MBTPS2: variants seen among roughly 807,000 people sequenced by gnomAD.
MBTPS2 encodes membrane-bound transcription factor site-2 protease.
Under a neutral mutation model 35.4 loss-of-function variants are expected in MBTPS2, and 2 were observed. The ratio of observed to expected loss-of-function variants is 0.06; its 90% CI spans 0.02 to 0.18. MBTPS2 has a LOEUF of 0.18. MBTPS2 is among the 10% of genes least tolerant of loss of function. The pLI, the probability that MBTPS2 is intolerant of heterozygous loss-of-function variation, is 1.00. For missense variants in MBTPS2, 244 were observed against 386.5 expected, an observed-to-expected ratio of 0.63 and a Z score of 3.09; for synonymous variants, 125 against 140.4, an observed-to-expected ratio of 0.89 and a Z score of 0.77.
At chrX:21,874,982 A>G (rs188274211) in intron 7 of MBTPS2, among the ~76,000 whole-genome samples, 68 of 112,776 alleles carry the variant, frequency 6.0e-4, no homozygotes, top group African/African-American at 2.1e-3. Context: ...GTTTAAGCCT[A>G]TAACTTTTTA....
At chrX:21,847,274 C>T (rs997037400) in intron 3 of MBTPS2, among the ~76,000 whole-genome samples, 27 of 111,872 alleles carry the variant, frequency 2.4e-4, no homozygotes, top group African/African-American at 5.8e-4. Context: ...TTAGGAGATC[C>T]GTGCTTTGGA....
At chrX:21,855,535 G>A (rs1004823064) in intron 5 of MBTPS2, among the ~76,000 whole-genome samples, 6 of 109,830 alleles carry the variant, frequency 5.5e-5, no homozygotes, top group South Asian at 4.0e-4. Context: ...AGGTTGAAGC[G>A]ATTCTCCTGC....
chrX:21,875,781 A>G (rs1316205555), intron 7 of MBTPS2, among the ~76,000 whole-genome samples: 1 of 112,150 alleles, frequency 8.9e-6, no homozygotes, highest in East Asian at 2.8e-4. Flanking sequence ...GACAGGCAAT[A>G]CTGGGAAATG....
intron 5 of MBTPS2, chrX:21,856,202 A>T (rs775810488): frequency 4.6e-4 from 147 of 317,158 alleles, no homozygotes; most frequent in African/African-American, 2.9e-3. Flanking sequence ...GGGCCGACAG[A>T]CGCGCCAGTT....
chrX:21,873,783 A>G (rs1182170142), intron 7 of MBTPS2, among the ~76,000 whole-genome samples: 1 of 110,721 alleles, frequency 9.0e-6, no homozygotes, highest in African/African-American at 3.3e-5. Flanking sequence ...AGTTTAAGAT[A>G]ATAAAAGGAA....
rs1277896342 is a variant in MBTPS2 at position 21,884,138 on chromosome X, C to A, written c.*1483C>A. The A allele has an allele frequency of 1.5e-5, 11 of 728,761 alleles. No homozygotes were observed. Among genetic ancestry groups the A allele is most frequent in the Non-Finnish European group, 1.8e-5 (11 of 615,959 alleles). The allele number at this position is 728,761 out of a possible 1,213,427, so 60.1% of individuals were successfully genotyped here. ...CTTTTTAGATTGTATTACAAATTTG[C>A]CTTAACAGTAATTAGATGTTGAATA... On this transcript the variant is annotated 3_prime_UTR_variant, in exon 11 of 11. Transcript: ENST00000379484.
chrX:21,858,604 A>G (rs921115746), intron 5 of MBTPS2: 1 of 123,004 alleles, frequency 8.1e-6, no homozygotes, highest in African/African-American at 3.3e-5. Flanking sequence ...TAAAATGCCA[A>G]TAGTGTCAGG....
chrX:21,856,505 C>A, intron 5 of MBTPS2: 2 of 1,208,989 alleles, frequency 1.7e-6, no homozygotes, highest in Non-Finnish European at 2.2e-6. Flanking sequence ...ACGAAGATTT[C>A]TCCATCACAC....
chrX:21,864,880 CT>C (rs201224155), intron 5 of MBTPS2, among the ~76,000 whole-genome samples: 16,821 of 88,226 alleles, frequency 0.19, 1,428 homozygotes, highest in Non-Finnish European at 0.23. Flanking sequence ...TTCTTTCTTT[CT>C]TTTTTTTTTT....
chrX:21,856,195 C>T (rs1569323432), intron 5 of MBTPS2: 1 of 309,506 alleles, frequency 3.2e-6, no homozygotes, highest in Non-Finnish European at 5.7e-6. Flanking sequence ...GCTTTTGGGG[C>T]CGACAGACGC....
rs779045144 is a variant in MBTPS2, at chrX:21,851,686, A to G, written c.542+74A>G. On this transcript the variant is annotated intron_variant, in intron 4 of 10. Coordinates refer to ENST00000379484, the MANE Select transcript of MBTPS2 (RefSeq NM_015884.4). ...TCATTTAGGAGGATTTATTACTAAA[A>G]TCTGCTATATTTGATACTTCACTAT... 1.9e-5 allele frequency: 13 copies of G among 683,161 alleles called. No individual in the cohort carries two copies. In the African/African-American group the frequency reaches 2.6e-4, roughly 13 times the overall value. The allele number at this position is 683,161 out of a possible 1,213,427, so 56.3% of individuals were successfully genotyped here. A position where few individuals can be genotyped will look rare whatever the true frequency, so the allele number is the denominator to read the frequency against.
chrX:21,852,801 T>C lies in MBTPS2; in HGVS notation c.543-575T>C, dbSNP rs558683048. Among the ~76,000 whole-genome samples, 6 of 106,243 alleles carry C rather than the reference T, an allele frequency of 5.6e-5. No homozygotes were observed. In the South Asian group the frequency reaches 1.6e-3, roughly 29 times the overall value. 92.3% of individuals were successfully genotyped at this position (106,243 alleles called of 115,157 possible). On this transcript the variant is annotated intron_variant, in intron 4 of 10. Coordinates refer to ENST00000379484, the MANE Select transcript of MBTPS2 (RefSeq NM_015884.4). Reference sequence around the variant, plus strand: ...ATGAACTGATAAAAAATGGTTCTCTTTTTTTTTTTAATATGGAGATCAAAA... The same window carrying C: ...ATGAACTGATAAAAAATGGTTCTCTCTTTTTTTTTAATATGGAGATCAAAA...
chrX:21,875,207 G>A (rs1242105921), intron 7 of MBTPS2, among the ~76,000 whole-genome samples: 2 of 112,273 alleles, frequency 1.8e-5, no homozygotes, highest in African/African-American at 6.5e-5. Flanking sequence ...CTTAGCAGAT[G>A]TATTTGCTTT....
At chrX:21,867,338 G>T (rs1297940683) in intron 5 of MBTPS2, among the ~76,000 whole-genome samples, 1 of 111,634 alleles carries the variant, frequency 9.0e-6, no homozygotes. Context: ...AATAAAATTA[G>T]TTATATGTAT....
At chrX:21,869,398 A>G (rs2092944366) in intron 6 of MBTPS2, 100 bp from the exon 7 acceptor site, 2 of 636,836 alleles carry the variant, frequency 3.1e-6, no homozygotes, top group African/African-American at 4.3e-5. Context: ...TTCTGCATTC[A>G]AACTATTCAC....
intron 3 of MBTPS2, among the ~76,000 whole-genome samples, chrX:21,848,452 CAGG>C (rs1285291800): frequency 1.8e-5 from 2 of 108,894 alleles, no homozygotes; most frequent in African/African-American, 6.7e-5. Flanking sequence ...ATCACGAGGT[CAGG>C]AGATCGAGAC....
chrX:21,868,537 G>A lies in MBTPS2; in HGVS notation c.741G>A (p.Leu247=), dbSNP rs1602149420. Residue 247 remains leucine, a synonymous_variant, in exon 6 of 11, where the codon TTG becomes TTA. Coordinates refer to ENST00000379484, the MANE Select transcript of MBTPS2 (RefSeq NM_015884.4). ...LALVLLPVIL[L]PFYYTGVGVL... is the part of the protein sequence containing the mutation. Reference sequence around the variant, plus strand: ...TTGTTCTCCTCCCAGTAATTCTCTTGCCATTTTACTACACTGGAGTTGGGG... The same window carrying A: ...TTGTTCTCCTCCCAGTAATTCTCTTACCATTTTACTACACTGGAGTTGGGG... 8.3e-7 allele frequency: 1 copy of A among 1,209,602 alleles called. No individual in the cohort carries two copies. Among genetic ancestry groups the A allele is most frequent in the Non-Finnish European group, 1.1e-6 (1 of 893,806 alleles).
intron 1 of MBTPS2, 35 bp downstream of exon 1, chrX:21,839,844 T>G: frequency 1.7e-6 from 2 of 1,143,703 alleles, no homozygotes; most frequent in Non-Finnish European, 2.4e-6. Context: ...AAGCCCGCGG[T>G]GCCCATGGCC....
Position 21,884,764 on chromosome X carries a change from T to C in MBTPS2, c.*2109T>C. ...AGACATAAGTACTTAATAAATGCAG[T>C]TGAATGGATAATGATTAGTGTTATT... On this transcript the variant is annotated 3_prime_UTR_variant, in exon 11 of 11. Transcript: ENST00000379484. 1.5e-6 allele frequency: 1 copy of C among 668,584 alleles called. No individual in the cohort carries two copies. The allele number at this position is 668,584 out of a possible 1,213,427, so 55.1% of individuals were successfully genotyped here. A position where few individuals can be genotyped will look rare whatever the true frequency, so the allele number is the denominator to read the frequency against.
Sources: gnomAD v4.1 joint callset for allele counts (sites outside exome capture counted in the v4.1 genomes callset) on GRCh38, gnomAD v4.1.1 for gene constraint, MANE v1.5 for transcripts, NCBI Gene and HGNC (gene_info 2026-07-23, HGNC 2026-07-21) for gene names.